FCHSD2: variants seen among roughly 807,000 people sequenced by gnomAD.
FCHSD2 encodes FCH and double SH3 domains 2.
In FCHSD2, 38 loss-of-function variants were observed where a neutral mutation model predicts 108.1. That is an observed-to-expected ratio of 0.35 (90% confidence interval 0.27 to 0.46). FCHSD2 has a LOEUF of 0.46. FCHSD2 is among the 20% of genes least tolerant of loss of function. The probability of loss-of-function intolerance (pLI) is 1.00; values close to 1 mark genes in which losing one functional copy is unlikely to be tolerated. For synonymous variants in FCHSD2, 279 were observed against 314.7 expected, an observed-to-expected ratio of 0.89 and a Z score of 1.20; for missense variants, 751 against 897.8, an observed-to-expected ratio of 0.84 and a Z score of 2.09.
intron 3 of FCHSD2, among the ~76,000 whole-genome samples, chr11:73,016,593 C>T (rs1234747786): frequency 6.6e-6 from 1 of 152,112 alleles, no homozygotes; most frequent in Admixed American, 6.5e-5. Flanking sequence ...TTCTAAATCT[C>T]GGCAGCCAAA....
intron 4 of FCHSD2, among the ~76,000 whole-genome samples, chr11:73,008,250 A>G (rs1857784789): frequency 6.6e-6 from 1 of 152,144 alleles, no homozygotes; most frequent in Admixed American, 6.5e-5. Context: ...GAGGCACAAG[A>G]ATTGCTTGAA....
intron 8 of FCHSD2, among the ~76,000 whole-genome samples, chr11:72,982,971 G>T (rs1857240920): frequency 6.6e-6 from 1 of 152,064 alleles, no homozygotes; most frequent in African/African-American, 2.4e-5. Context: ...GGCCAGCCTG[G>T]TCAACATAGC....
At chr11:72,899,385 G>A (rs1291691497) in intron 10 of FCHSD2, among the ~76,000 whole-genome samples, 1 of 152,036 alleles carries the variant, frequency 6.6e-6, no homozygotes, top group Non-Finnish European at 1.5e-5. Flanking sequence ...ATACACTCAT[G>A]AAGATACTCA....
chr11:72,980,634 A>G (rs1288804562), intron 8 of FCHSD2, among the ~76,000 whole-genome samples: 1 of 151,106 alleles, frequency 6.6e-6, no homozygotes, highest in African/African-American at 2.4e-5. Flanking sequence ...CCATCACTCT[A>G]ATTTGCAATC....
At chr11:73,053,386 A>T in intron 3 of FCHSD2, among the ~76,000 whole-genome samples, 1 of 152,306 alleles carries the variant, frequency 6.6e-6, no homozygotes, top group African/African-American at 2.4e-5. Context: ...CTACTAATGA[A>T]AGATAGAAAA....
Position 73,016,712 on chromosome 11 carries a change from C to T in FCHSD2, c.166-827G>A, listed in dbSNP as rs552014767. On this transcript the variant is annotated intron_variant, in intron 3 of 19. Coordinates refer to ENST00000409418, the MANE Select transcript of FCHSD2 (RefSeq NM_014824.3). The stretch of plus-strand genomic sequence containing the variant: ...TTGGTGCTGTTCCATATTATTAATT[C>T]TCAAGACAGATTTTAAGGGTCTTTT... 2.0e-5 allele frequency among the ~76,000 whole-genome samples: 3 copies of T among 152,278 alleles called. No homozygotes were observed. The South Asian group carries it at 6.2e-4, about 32-fold the overall frequency.
chr11:72,949,027 T>C (rs1320154057), intron 8 of FCHSD2, among the ~76,000 whole-genome samples: 1 of 152,192 alleles, frequency 6.6e-6, no homozygotes, highest in Non-Finnish European at 1.5e-5. Context: ...GTCTTATTTT[T>C]TATTGAGATA....
At chr11:73,065,936 A>AT (rs1261447750) in intron 3 of FCHSD2, among the ~76,000 whole-genome samples, 2 of 152,170 alleles carry the variant, frequency 1.3e-5, no homozygotes, top group Non-Finnish European at 2.9e-5. Flanking sequence ...ACCCAAAGTA[A>AT]TTTATAGATT....
At chr11:72,931,099 T>A (rs1039142658) in intron 8 of FCHSD2, among the ~76,000 whole-genome samples, 10 of 212 alleles carry the variant, frequency 0.047, no homozygotes, top group Admixed American at 0.1. Context: ...TAATTAAATT[T>A]TTTTTTTTTT....
chr11:73,012,849 C>G (rs1857890622), intron 4 of FCHSD2, among the ~76,000 whole-genome samples: 1 of 152,142 alleles, frequency 6.6e-6, no homozygotes, highest in African/African-American at 2.4e-5. Flanking sequence ...ACACAAAAAA[C>G]AAAACTCTGC....
At chr11:72,904,283 C>G (rs760166418) in intron 9 of FCHSD2, among the ~76,000 whole-genome samples, 47 of 152,308 alleles carry the variant, frequency 3.1e-4, no homozygotes, top group Middle Eastern at 3.4e-3. Context: ...TCTCTAATCA[C>G]CATGCAGAAA....
chr11:72,948,207 C>A (rs1401997088), intron 8 of FCHSD2, among the ~76,000 whole-genome samples: 1 of 152,066 alleles, frequency 6.6e-6, no homozygotes, highest in African/African-American at 2.4e-5. Context: ...GGGGTTTTGC[C>A]ATGTTGGCCA....
intron 8 of FCHSD2, among the ~76,000 whole-genome samples, chr11:72,954,883 C>A (rs1856684232): frequency 1.3e-5 from 2 of 152,144 alleles, no homozygotes; most frequent in African/African-American, 2.4e-5. Flanking sequence ...CATATACACA[C>A]ACACACACAG....
chr11:73,044,968 G>A (rs1378740536), intron 3 of FCHSD2, among the ~76,000 whole-genome samples: 1 of 151,890 alleles, frequency 6.6e-6, no homozygotes, highest in Non-Finnish European at 1.5e-5. Context: ...TACTCAGCAG[G>A]CTGAGGCAAG....
chr11:73,051,485 T>C (rs945286609), intron 3 of FCHSD2, among the ~76,000 whole-genome samples: 1 of 151,996 alleles, frequency 6.6e-6, no homozygotes, highest in Non-Finnish European at 1.5e-5. Context: ...ACAGAAAAAG[T>C]TTAATGGGCT....
intron 2 of FCHSD2, among the ~76,000 whole-genome samples, chr11:73,100,510 T>C (rs1406419560): frequency 6.6e-6 from 1 of 152,124 alleles, no homozygotes; most frequent in Non-Finnish European, 1.5e-5. Context: ...ATTACAGGCA[T>C]GCGCCACCAC....
At chr11:72,983,151 G>A (rs1857246798) in intron 8 of FCHSD2, among the ~76,000 whole-genome samples, 1 of 151,954 alleles carries the variant, frequency 6.6e-6, no homozygotes, top group East Asian at 1.9e-4. Context: ...AAAATTAGCT[G>A]GGCGTAGTGG....
chr11:73,049,639 C>A, intron 3 of FCHSD2, among the ~76,000 whole-genome samples: 1 of 140,898 alleles, frequency 7.1e-6, no homozygotes, highest in East Asian at 2.1e-4. Flanking sequence ...ACATATGTAA[C>A]TAACCTGCAC....
At chr11:73,062,114 T>G (rs1281260344) in intron 3 of FCHSD2, among the ~76,000 whole-genome samples, 1 of 152,100 alleles carries the variant, frequency 6.6e-6, no homozygotes, top group African/African-American at 2.4e-5. Flanking sequence ...AGAGGAAAGA[T>G]CGGCAGCAAT....
Sources: gnomAD v4.1 joint callset for allele counts (sites outside exome capture counted in the v4.1 genomes callset) on GRCh38, gnomAD v4.1.1 for gene constraint, MANE v1.5 for transcripts, NCBI Gene and HGNC (gene_info 2026-07-23, HGNC 2026-07-21) for gene names.